Variants in BCAR3 observed in about 807,000 individuals in gnomAD.
BCAR3 encodes breast cancer anti-estrogen resistance protein 3.
BCAR3 carries 37 observed loss-of-function variants against 80.1 expected under a neutral mutation model. The observed-to-expected ratio is 0.46, with a 90% CI of 0.36 to 0.61. The LOEUF (loss-of-function observed/expected upper bound fraction) is 0.61, where lower values mean the gene tolerates loss of function less well. Among genes scored for constraint, BCAR3 ranks in the 20% least tolerant of loss-of-function variants. The probability of loss-of-function intolerance (pLI) is 0.00; values close to 1 mark genes in which losing one functional copy is unlikely to be tolerated. For synonymous variants in BCAR3, 389 were observed against 418.9 expected, an observed-to-expected ratio of 0.93 and a Z score of 0.87; for missense variants, 978 against 1,068.2, an observed-to-expected ratio of 0.92 and a Z score of 1.18.
At chr1:93,661,484 G>A (rs1046094740) in intron 2 of BCAR3, among the ~76,000 whole-genome samples, 11 of 150,402 alleles carry the variant, frequency 7.3e-5, no homozygotes, top group Non-Finnish European at 1.0e-4. Flanking sequence ...ACCTGGCCCA[G>A]TGTAGCTTTT....
intron 2 of BCAR3, among the ~76,000 whole-genome samples, chr1:93,720,565 T>C (rs1650357627): frequency 6.6e-6 from 1 of 152,218 alleles, no homozygotes; most frequent in African/African-American, 2.4e-5. Flanking sequence ...CAGCGCCTGA[T>C]GGAGACCCGA....
intron 2 of BCAR3, among the ~76,000 whole-genome samples, chr1:93,728,977 T>C (rs1458190256): frequency 6.6e-6 from 1 of 152,182 alleles, no homozygotes; most frequent in Admixed American, 6.5e-5. Context: ...TACCCAGCAC[T>C]TCCCTTCCCG....
At chr1:93,712,401 G>A (rs957188107) in intron 2 of BCAR3, among the ~76,000 whole-genome samples, 1 of 152,182 alleles carries the variant, frequency 6.6e-6, no homozygotes, top group African/African-American at 2.4e-5. Flanking sequence ...ATGGGATTGT[G>A]CCCCGCCTGG....
chr1:93,665,713 T>A (rs1040954394), intron 2 of BCAR3, among the ~76,000 whole-genome samples: 6 of 152,166 alleles, frequency 3.9e-5, no homozygotes, highest in Non-Finnish European at 5.9e-5. Context: ...GTTTAACACC[T>A]CCACTTAGAC....
At chr1:93,699,444 A>G (rs1649557295) in intron 3 of BCAR3, among the ~76,000 whole-genome samples, 1 of 151,380 alleles carries the variant, frequency 6.6e-6, no homozygotes, top group African/African-American at 2.4e-5. Flanking sequence ...TGCCTCCCCA[A>G]CCCCAACCTC....
At chr1:93,634,048 G>A (rs535821177) in intron 3 of BCAR3, among the ~76,000 whole-genome samples, 2 of 152,306 alleles carry the variant, frequency 1.3e-5, no homozygotes, top group South Asian at 4.1e-4. Flanking sequence ...CTACAATCAC[G>A]ATATTTCTAT....
chr1:93,579,818 C>T (rs886974076), intron 7 of BCAR3, among the ~76,000 whole-genome samples: 1 of 152,236 alleles, frequency 6.6e-6, no homozygotes, highest in African/African-American at 2.4e-5. Context: ...GAGTCTCCCT[C>T]CTGGCCCACT....
At chr1:93,658,174 C>T (rs1019743501) in intron 2 of BCAR3, among the ~76,000 whole-genome samples, 4 of 151,982 alleles carry the variant, frequency 2.6e-5, no homozygotes, top group African/African-American at 4.8e-5. Flanking sequence ...CTCCTGACCT[C>T]GTGATCCGCC....
rs766770453 is a variant in BCAR3, at chr1:93,674,828, C to T, written c.103G>A (p.Ala35Thr). The change falls in exon 2 of 12, where the codon GCT becomes ACT. Residue 35 changes from alanine to threonine, a missense_variant. Ala to Thr is a moderately conservative substitution (Grantham distance 58). Coordinates refer to ENST00000260502, the MANE Select transcript of BCAR3 (RefSeq NM_003567.4). ...MDLLSSRSPL[A>T]EHRPDAYQDV... ...TGATAGGCATCTGGGCGATGCTCAG[C>T]GAGAGGGGACCTGCTGCTCAGAAGG... The T allele has an allele frequency of 1.9e-6, 3 of 1,603,470 alleles. No individual in the cohort carries two copies. The South Asian group carries it at 3.4e-5, about 18-fold the overall frequency.
At chr1:93,743,453 C>A (rs1651248590) in intron 2 of BCAR3, among the ~76,000 whole-genome samples, 1 of 152,166 alleles carries the variant, frequency 6.6e-6, no homozygotes, top group Non-Finnish European at 1.5e-5. Context: ...CTCACATATT[C>A]CAGCTTAGTT....
Position 93,664,950 on chromosome 1 carries a change from G to A in BCAR3, c.317+9664C>T, listed in dbSNP as rs148928311. On this transcript the variant is annotated intron_variant, in intron 2 of 11. Coordinates refer to ENST00000260502, the MANE Select transcript of BCAR3 (RefSeq NM_003567.4). ...ACCCCACCCCCACCCATTCCCTACC[G>A]GCTTCTGAAAGAGTGTGTTTGTAAA... Among the ~76,000 whole-genome samples the A allele has an allele frequency of 5.9e-3, 591 of 100,444 alleles. 3 individuals are homozygous for A. Among genetic ancestry groups the A allele is most frequent in the African/African-American group, 0.022 (556 of 25,714 alleles). 65.9% of individuals were successfully genotyped at this position (100,444 alleles called of 152,430 possible).
intron 2 of BCAR3, among the ~76,000 whole-genome samples, chr1:93,666,694 CG>C (rs1647930547): frequency 6.6e-6 from 1 of 152,154 alleles, no homozygotes; most frequent in Admixed American, 6.5e-5. Context: ...GGCAAAGGCT[CG>C]GGGCCCGTTC....
chr1:93,749,886 C>CAT, intron 2 of BCAR3, among the ~76,000 whole-genome samples: 1 of 140,448 alleles, frequency 7.1e-6, no homozygotes, highest in Admixed American at 7.1e-5. Context: ...ATGATCTTGA[C>CAT]TTATTTTTTT....
At chr1:93,845,492 A>C (rs1286230772) in intron 2 of BCAR3, 472 of 35,456 alleles carry the variant, frequency 0.013, 20 homozygotes, top group Non-Finnish European at 0.022. Context: ...ATATATATAT[A>C]TATATATATA....
At chr1:93,600,601 G>A (rs1674592038) in intron 3 of BCAR3, 1 of 152,252 alleles carries the variant, frequency 6.6e-6, no homozygotes, top group South Asian at 2.1e-4. Context: ...CATAAGTCAA[G>A]TAATGCCTTT....
At chr1:93,825,562 T>C (rs1033544358) in intron 2 of BCAR3, among the ~76,000 whole-genome samples, 1 of 133,642 alleles carries the variant, frequency 7.5e-6, no homozygotes, top group African/African-American at 2.5e-5. Flanking sequence ...TCATGCTCCC[T>C]GCCTTTCTGC....
intron 2 of BCAR3, among the ~76,000 whole-genome samples, chr1:93,821,032 A>G (rs1424482345): frequency 1.3e-5 from 2 of 151,954 alleles, no homozygotes; most frequent in Non-Finnish European, 2.9e-5. Context: ...CACCCCTATC[A>G]CTCCGGAAAT....
chr1:93,806,342 C>T (rs1016937759), intron 2 of BCAR3, among the ~76,000 whole-genome samples: 3 of 152,166 alleles, frequency 2.0e-5, no homozygotes, highest in Admixed American at 6.5e-5. Flanking sequence ...GATATATGAA[C>T]CTGGGAGGCA....
chr1:93,580,069 C>G (rs1047040817), intron 7 of BCAR3, among the ~76,000 whole-genome samples: 4 of 152,200 alleles, frequency 2.6e-5, no homozygotes, highest in Non-Finnish European at 5.9e-5. Context: ...AGAAGTCCAC[C>G]CTCAGCCCCA....
Sources: allele counts gnomAD v4.1 joint callset (sites outside exome capture counted in the v4.1 genomes callset), GRCh38; gene constraint gnomAD v4.1.1; transcripts MANE v1.5; gene names NCBI Gene and HGNC (gene_info 2026-07-23, HGNC 2026-07-21).